The following STX1A variants were observed in gnomAD, a reference collection of about 807,000 sequenced individuals.
The protein encoded by STX1A is syntaxin-1A.
A neutral mutation model predicts 37.8 loss-of-function variants in STX1A; 4 were observed. That is an observed-to-expected ratio of 0.11 (90% CI 0.05 to 0.24). STX1A has a LOEUF of 0.24. Among genes scored for constraint, STX1A ranks in the 10% least tolerant of loss-of-function variants. The pLI is 1.00. For synonymous variants in STX1A, 135 were observed against 147.4 expected (o/e 0.92, Z 0.61); for missense variants, 251 against 399.9 (o/e 0.63, Z 3.18).
intron 1 of STX1A, among the ~76,000 whole-genome samples, chr7:73,712,155 C>A (rs1334945967): frequency 6.6e-6 from 1 of 152,070 alleles, no homozygotes; most frequent in Non-Finnish European, 1.5e-5. Context: ...GGGCTGAGGG[C>A]CTGACCTCTG....
In STX1A at chr7:73,700,222, C is replaced by G. The variant is rs1798596678; in HGVS notation, c.*185G>C. 1.6e-6 allele frequency: 1 copy of G among 638,120 alleles called. No homozygotes were observed. 39.5% of individuals were successfully genotyped at this position (638,120 alleles called of 1,614,324 possible). A position where few individuals can be genotyped will look rare whatever the true frequency, so the allele number is the denominator to read the frequency against. ...CTCTTCCCGTACAGACGCACACTCA[C>G]AGAGATCATGCACACGACACGGGGC... On this transcript the variant is annotated 3_prime_UTR_variant, in exon 10 of 10. Transcript: ENST00000222812. This position sits in a 1 kb window ranked among gnomAD's most constrained non-coding sequence, Gnocchi z 4.4.
At chr7:73,708,279 A>G (rs1798954531) in intron 3 of STX1A, among the ~76,000 whole-genome samples, 2 of 149,866 alleles carry the variant, frequency 1.3e-5, no homozygotes, top group African/African-American at 5.0e-5. Flanking sequence ...AAAAAAAAAA[A>G]AAGAAAAAAA....
intron 7 of STX1A, 138 bp downstream of exon 7, chr7:73,703,617 C>T (rs1285391884): frequency 1.9e-6 from 2 of 1,036,508 alleles, no homozygotes; most frequent in African/African-American, 3.1e-5. Flanking sequence ...GTTTTCCCCT[C>T]TCTGGGACTC....
Position 73,717,103 on chromosome 7 carries a change from C to T in STX1A, c.30+2499G>A, listed in dbSNP as rs1033593291. 2.6e-5 allele frequency among the ~76,000 whole-genome samples: 4 copies of T among 152,090 alleles called. No homozygotes were observed. The highest frequency in any genetic ancestry group is 5.9e-5 in the Non-Finnish European group (4 of 68,024). ...GGGCCGGGCCTGCAGAGTGAGGAAACGCGCCAGCTCCTTCCCCAAGTGTGA... is the reference window on the plus strand; with the variant it reads ...GGGCCGGGCCTGCAGAGTGAGGAAATGCGCCAGCTCCTTCCCCAAGTGTGA... On this transcript the variant is annotated intron_variant, in intron 1 of 9. Transcript: ENST00000222812. The surrounding 1 kb of genome is among the most constrained non-coding windows in gnomAD (Gnocchi z 4.1).
At position 73,717,303 on chromosome 7, in the gene STX1A, C is replaced by T. The variant is rs542633116; in HGVS notation, c.30+2299G>A. Reference sequence around the variant, plus strand: ...CAGCCCAGCCCAGCCCAGCCCGCCCCAGTCCAGCCCAGTCCAGCCCAGTCC... The same window carrying T: ...CAGCCCAGCCCAGCCCAGCCCGCCCTAGTCCAGCCCAGTCCAGCCCAGTCC... On this transcript the variant is annotated intron_variant, in intron 1 of 9. Coordinates refer to ENST00000222812, the MANE Select transcript of STX1A (RefSeq NM_004603.4). The surrounding 1 kb of genome is among the most constrained non-coding windows in gnomAD (Gnocchi z 4.1). 6.6e-6 allele frequency among the ~76,000 whole-genome samples: 1 copy of T among 152,202 alleles called. No homozygotes were observed. Among genetic ancestry groups the T allele is most frequent in the South Asian group, 2.1e-4 (1 of 4,824 alleles).
At position 73,715,434 on chromosome 7, in the gene STX1A, A is replaced by C. The variant is rs1046695686; in HGVS notation, c.30+4168T>G. ...AGACTCCGTCTAAAAAAACAAAAAAAAAACCAACAAAAAACACCACCTCCA... is the reference window on the plus strand; with the variant it reads ...AGACTCCGTCTAAAAAAACAAAAAACAAACCAACAAAAAACACCACCTCCA... On this transcript the variant is annotated intron_variant, in intron 1 of 9. Coordinates refer to ENST00000222812, the MANE Select transcript of STX1A (RefSeq NM_004603.4). Among the ~76,000 whole-genome samples the C allele has an allele frequency of 1.9e-4, 29 of 152,134 alleles. No homozygotes were observed. In the South Asian group the frequency reaches 2.9e-3, roughly 15 times the overall value.
rs375411275 is a variant in STX1A, at chr7:73,703,779, C to T, written c.516G>A (p.Gly172=). 1.2e-6 allele frequency: 2 copies of T among 1,613,824 alleles called. No individual in the cohort carries two copies. Among genetic ancestry groups the T allele is most frequent in the African/African-American group, 1.3e-5 (1 of 74,928 alleles). Residue 172 remains glycine (G), a synonymous_variant, in exon 7 of 10, where the codon GGG becomes GGA. Coordinates refer to ENST00000222812, the MANE Select transcript of STX1A (RefSeq NM_004603.4). The part of the protein sequence containing the change: ...SEELEDMLES[G]NPAIFASGII... Reference sequence around the variant, plus strand: ...CCCCAGAGGCAAAGATGGCGGGGTTCCCACTCTCCAGCATGTCCTCCAGCT... The same window carrying T: ...CCCCAGAGGCAAAGATGGCGGGGTTTCCACTCTCCAGCATGTCCTCCAGCT...
Position 73,705,287 on chromosome 7 carries a change from C to T in STX1A, c.209-63G>A. The T allele has an allele frequency of 7.2e-7, 1 of 1,389,296 alleles. No individual in the cohort carries two copies. Among genetic ancestry groups the T allele is most frequent in the Non-Finnish European group, 1.0e-6 (1 of 978,262 alleles). The allele number at this position is 1,389,296 out of a possible 1,614,324, so 86.1% of individuals were successfully genotyped here. A position where few individuals can be genotyped will look rare whatever the true frequency, so the allele number is the denominator to read the frequency against. On this transcript the variant is annotated intron_variant, in intron 3 of 9. Coordinates refer to ENST00000222812, the MANE Select transcript of STX1A (RefSeq NM_004603.4). This position sits in a 1 kb window ranked among gnomAD's most constrained non-coding sequence, Gnocchi z 5.2. ...CTCCGCGGGGACTGATGTGCAGGCTCAGCCTCCAGCCCAGGGGGCCCAGTG... is the reference window on the plus strand; with the variant it reads ...CTCCGCGGGGACTGATGTGCAGGCTTAGCCTCCAGCCCAGGGGGCCCAGTG...
At chr7:73,704,652 G>A (rs1798805349) in intron 4 of STX1A, 1 of 594,646 alleles carries the variant, frequency 1.7e-6, no homozygotes, top group Non-Finnish European at 3.0e-6. Context: ...TCCAAGCTCT[G>A]CGTGTGTGTG....
chr7:73,701,376 G>A (rs1798648074), intron 8 of STX1A, among the ~76,000 whole-genome samples: 1 of 152,072 alleles, frequency 6.6e-6, no homozygotes, highest in Non-Finnish European at 1.5e-5. Flanking sequence ...ACAAAAATTA[G>A]CTGGGCGTGG....
chr7:73,705,087 G>A lies in STX1A; in HGVS notation c.283+63C>T. 6.6e-7 allele frequency: 1 copy of A among 1,522,924 alleles called. No homozygotes were observed. Among genetic ancestry groups the A allele is most frequent in the Admixed American group, 1.7e-5 (1 of 59,846 alleles). 94.3% of individuals were successfully genotyped at this position (1,522,924 alleles called of 1,614,324 possible). On this transcript the variant is annotated intron_variant, in intron 4 of 9. Transcript: ENST00000222812. The surrounding 1 kb of genome is among the most constrained non-coding windows in gnomAD (Gnocchi z 5.2). ...CCCCTCAGGGCGAGCAAAACCCCAT[G>A]GGCTCCGCAGAGGAAGCAGGCCTAG... is the stretch of plus-strand genomic sequence containing the variant.
At chr7:73,701,232 C>T in intron 8 of STX1A, 1 of 461,828 alleles carries the variant, frequency 2.2e-6, no homozygotes, top group East Asian at 3.4e-5. Context: ...GTGAGCCTGC[C>T]CACACCCCCA....
chr7:73,703,572 C>T (rs1563569333), intron 7 of STX1A, 183 bp downstream of exon 7: 1 of 793,374 alleles, frequency 1.3e-6, no homozygotes, highest in Non-Finnish European at 2.2e-6. Flanking sequence ...TTGAGTCCAC[C>T]TTTGCCGCTG....
intron 1 of STX1A, chr7:73,711,351 G>A (rs547982737): frequency 1.3e-5 from 2 of 153,256 alleles, no homozygotes; most frequent in Admixed American, 1.3e-4. Flanking sequence ...CCATCAAAGT[G>A]GGGACTCATG....
intron 1 of STX1A, among the ~76,000 whole-genome samples, chr7:73,715,119 C>T (rs1217804466): frequency 6.8e-6 from 1 of 147,270 alleles, no homozygotes; most frequent in Non-Finnish European, 1.5e-5. Context: ...AATGAGACTC[C>T]GTCTAAAAAA....
intron 1 of STX1A, chr7:73,716,455 C>T (rs1162404531): frequency 6.6e-6 from 1 of 152,372 alleles, no homozygotes; most frequent in Non-Finnish European, 1.5e-5. Context: ...GAGTTGGGCC[C>T]TAGTCTAGAC....
At chr7:73,712,089 C>T (rs1372197873) in intron 1 of STX1A, among the ~76,000 whole-genome samples, 15 of 152,002 alleles carry the variant, frequency 9.9e-5, no homozygotes, top group African/African-American at 3.1e-4. Flanking sequence ...GATGGGGGCA[C>T]GCAGGTCAAG....
intron 3 of STX1A, among the ~76,000 whole-genome samples, chr7:73,707,868 G>T (rs1422748080): frequency 1.3e-5 from 2 of 151,102 alleles, no homozygotes; most frequent in African/African-American, 4.9e-5. Flanking sequence ...CTGGGAGGCG[G>T]AGGTTGCAGT....
chr7:73,706,807 G>A lies in STX1A; in HGVS notation c.209-1583C>T, dbSNP rs1554617077. Among the ~76,000 whole-genome samples, 1 of 152,202 alleles carries A rather than the reference G, an allele frequency of 6.6e-6. No individual in the cohort carries two copies. The highest frequency in any genetic ancestry group is 1.5e-5 in the Non-Finnish European group (1 of 68,030). ...GACACACAGTGACCCAGATACCTCT[G>A]GGCGCACAGACATCCGTCTCATGCT... On this transcript the variant is annotated intron_variant, in intron 3 of 9. Coordinates refer to ENST00000222812, the MANE Select transcript of STX1A (RefSeq NM_004603.4). The surrounding 1 kb of genome is among the most constrained non-coding windows in gnomAD (Gnocchi z 4.6).
Sources: allele counts gnomAD v4.1 joint callset (sites outside exome capture counted in the v4.1 genomes callset), GRCh38; gene constraint gnomAD v4.1.1; non-coding constraint Gnocchi (gnomAD v3.1); transcripts MANE v1.5; gene names NCBI Gene and HGNC (gene_info 2026-07-23, HGNC 2026-07-21).